The following MAP3K13 variants were observed in gnomAD, a reference collection of about 807,000 sequenced individuals.
MAP3K13 encodes leucine zipper-bearing kinase.
In MAP3K13, 52 loss-of-function variants were observed where a neutral mutation model predicts 104.0. That is an observed-to-expected ratio of 0.50 (90% confidence interval 0.40 to 0.63). The LOEUF (loss-of-function observed/expected upper bound fraction) is 0.63, where lower values mean the gene tolerates loss of function less well. Among genes scored for constraint, MAP3K13 ranks in the 20% least tolerant of loss-of-function variants. The pLI is 0.00. For synonymous variants in MAP3K13, 394 were observed against 442.2 expected, an observed-to-expected ratio of 0.89 and a Z score of 1.37; for missense variants, 914 against 1,218.5, an observed-to-expected ratio of 0.75 and a Z score of 3.72.
intron 1 of MAP3K13, among the ~76,000 whole-genome samples, chr3:185,409,973 A>G (rs982437234): frequency 6.6e-6 from 1 of 152,126 alleles, no homozygotes; most frequent in African/African-American, 2.4e-5. Context: ...CCCACCTCAG[A>G]TCATCAGGCA....
chr3:185,457,339 A>G (rs1314192196), intron 7 of MAP3K13, among the ~76,000 whole-genome samples: 1 of 152,248 alleles, frequency 6.6e-6, no homozygotes, highest in African/African-American at 2.4e-5. Context: ...TCAGGCTGCT[A>G]CAACAAAATG....
Position 185,454,744 on chromosome 3 carries a change from T to TGA in MAP3K13, c.1278+3349_1278+3350insGA, listed in dbSNP as rs1184617435. Among the ~76,000 whole-genome samples the TGA allele has an allele frequency of 7.1e-4, 10 of 14,056 alleles. 3 individuals carry two copies. Among genetic ancestry groups the TGA allele is most frequent in the Admixed American group, 5.1e-3 (4 of 788 alleles). 9.2% of individuals were successfully genotyped at this position (14,056 alleles called of 152,430 possible). Reference sequence around the variant, plus strand: ...ATATATGATATATATGATATATATATCATATATATGAGATATATATGACAT... The same window carrying TGA: ...ATATATGATATATATGATATATATATGACATATATATGAGATATATATGACAT... On this transcript the variant is annotated intron_variant, in intron 7 of 13. Coordinates refer to ENST00000265026, the MANE Select transcript of MAP3K13 (RefSeq NM_004721.5).
intron 2 of MAP3K13, among the ~76,000 whole-genome samples, chr3:185,432,702 G>T (rs1358709135): frequency 6.6e-6 from 1 of 152,110 alleles, no homozygotes; most frequent in African/African-American, 2.4e-5. Context: ...CCATATGTTT[G>T]TCAAAAGGAG....
At position 185,483,711 on chromosome 3, in the gene MAP3K13, C is replaced by A; in HGVS notation, c.*1255C>A. 1.9e-5 allele frequency: 1 copy of A among 53,470 alleles called. No homozygotes were observed. The highest frequency in any genetic ancestry group is 6.9e-5 in the African/African-American group (1 of 14,588). The allele number at this position is 53,470 out of a possible 1,614,324, so 3.3% of individuals were successfully genotyped here. On this transcript the variant is annotated 3_prime_UTR_variant, in exon 14 of 14. Coordinates refer to ENST00000265026, the MANE Select transcript of MAP3K13 (RefSeq NM_004721.5). ...AATAACTCATTCTATCTTAGAAGTTCTTTTTTTTTTTTTTTTTTTTGACAG... is the reference window on the plus strand; with the variant it reads ...AATAACTCATTCTATCTTAGAAGTTATTTTTTTTTTTTTTTTTTTTGACAG...
At chr3:185,453,707 T>C (rs1351122017) in intron 7 of MAP3K13, among the ~76,000 whole-genome samples, 1 of 149,080 alleles carries the variant, frequency 6.7e-6, no homozygotes, top group African/African-American at 2.5e-5. Context: ...AGGCGGAGGA[T>C]GCAGTGAGCT....
chr3:185,417,953 T>C, intron 1 of MAP3K13: 4 of 1,607,808 alleles, frequency 2.5e-6, no homozygotes, highest in Non-Finnish European at 3.4e-6. Context: ...AGATTGTAGT[T>C]ACTCTTGAGG....
chr3:185,454,823 A>AGATATATACATGATATATATAT, intron 7 of MAP3K13, among the ~76,000 whole-genome samples: 1 of 102,322 alleles, frequency 9.8e-6, no homozygotes, highest in African/African-American at 3.6e-5. Flanking sequence ...TATATATATG[A>AGATATATACATGATATATATAT]GATATATACA....
At chr3:185,416,794 T>C (rs2108791544) in intron 1 of MAP3K13, among the ~76,000 whole-genome samples, 1 of 151,686 alleles carries the variant, frequency 6.6e-6, no homozygotes, top group East Asian at 1.9e-4. Flanking sequence ...GCTATTTTTT[T>C]TTTTTTTTTG....
intron 2 of MAP3K13, among the ~76,000 whole-genome samples, chr3:185,429,475 A>G (rs1714624790): frequency 6.6e-6 from 1 of 152,174 alleles, no homozygotes; most frequent in African/African-American, 2.4e-5. Flanking sequence ...ATTTTTTGCC[A>G]GGTGCAGTGG....
At chr3:185,429,264 T>A (rs777317642) in intron 2 of MAP3K13, among the ~76,000 whole-genome samples, 3 of 152,254 alleles carry the variant, frequency 2.0e-5, no homozygotes, top group Non-Finnish European at 4.4e-5. Flanking sequence ...CCATCTTTTG[T>A]GGTCATCCAG....
chr3:185,427,895 A>G (rs747289284), intron 1 of MAP3K13, among the ~76,000 whole-genome samples: 11 of 152,156 alleles, frequency 7.2e-5, no homozygotes, highest in Admixed American at 3.3e-4. Context: ...CCTGACCAAC[A>G]TACAGAAACC....
At chr3:185,342,714 G>A (rs1430596538) in intron 2 of MAP3K13, among the ~76,000 whole-genome samples, 1 of 152,124 alleles carries the variant, frequency 6.6e-6, no homozygotes, top group Non-Finnish European at 1.5e-5. Context: ...TCTCTAGATG[G>A]AATAGTGTGA....
intron 10 of MAP3K13, among the ~76,000 whole-genome samples, chr3:185,467,539 C>A (rs1406977898): frequency 2.0e-5 from 3 of 152,140 alleles, no homozygotes; most frequent in Non-Finnish European, 4.4e-5. Flanking sequence ...AATCCCAGCA[C>A]TTTGGGAGGC....
intron 1 of MAP3K13, among the ~76,000 whole-genome samples, chr3:185,397,475 G>A (rs923351338): frequency 2.0e-4 from 30 of 152,168 alleles, no homozygotes; most frequent in Admixed American, 1.5e-3. Context: ...ATATTGAGTA[G>A]CATTAAATGC....
At chr3:185,475,934 T>C (rs561425518) in intron 11 of MAP3K13, among the ~76,000 whole-genome samples, 2 of 152,354 alleles carry the variant, frequency 1.3e-5, no homozygotes, top group South Asian at 2.1e-4. Flanking sequence ...CCAACTCCGA[T>C]GGCCAGTAAC....
intron 2 of MAP3K13, among the ~76,000 whole-genome samples, chr3:185,324,748 A>T (rs1317967455): frequency 6.6e-6 from 1 of 152,148 alleles, no homozygotes; most frequent in East Asian, 1.9e-4. Context: ...TAGAAAAAAG[A>T]ATTAACTTAT....
rs148925810 is a variant in MAP3K13 at position 185,476,010 on chromosome 3, G to A, written c.2431-1316G>A. 4.0e-3 allele frequency among the ~76,000 whole-genome samples: 612 copies of A among 152,208 alleles called. 1 individual carries two copies. The highest frequency in any genetic ancestry group is 7.1e-3 in the Non-Finnish European group (481 of 68,032). Reference sequence around the variant, plus strand: ...ATACCATACAGTCCTCCCATTTAAAGTGTATAGTTCAATGCTTTTTATCCA... The same window carrying A: ...ATACCATACAGTCCTCCCATTTAAAATGTATAGTTCAATGCTTTTTATCCA... On this transcript the variant is annotated intron_variant, in intron 11 of 13. Transcript: ENST00000265026.
intron 1 of MAP3K13, among the ~76,000 whole-genome samples, chr3:185,395,513 C>T (rs6787693): frequency 0.65 from 69,414 of 106,448 alleles, 23,122 homozygotes; most frequent in Non-Finnish European, 0.74. Context: ...CACCCGCCAC[C>T]ACGCCCGGCT....
In MAP3K13 at chr3:185,291,522, T is replaced by A. The variant is rs367993430; in HGVS notation, c.-86+5879T>A. The A allele has an allele frequency of 3.7e-5, 43 of 1,168,246 alleles. No individual in the cohort carries two copies. In the Middle Eastern group the frequency reaches 6.0e-4, roughly 16 times the overall value. 72.4% of individuals were successfully genotyped at this position (1,168,246 alleles called of 1,614,324 possible). On this transcript the variant is annotated intron_variant, in intron 2 of 14. Transcript: ENST00000424227. Reference sequence around the variant, plus strand: ...TCAGCATGGTATCTAGTAATCTGATTAATTACTGACCCAAAAGTAGTTTTT... The same window carrying A: ...TCAGCATGGTATCTAGTAATCTGATAAATTACTGACCCAAAAGTAGTTTTT...
Sources: allele counts gnomAD v4.1 joint callset (sites outside exome capture counted in the v4.1 genomes callset), GRCh38; gene constraint gnomAD v4.1.1; transcripts MANE v1.5; gene names NCBI Gene and HGNC (gene_info 2026-07-23, HGNC 2026-07-21).